Variants in ATL2 observed in about 807,000 individuals in gnomAD.
ATL2 encodes atlastin GTPase 2.
In ATL2, 31 loss-of-function variants were observed where a neutral mutation model predicts 73.9. The ratio of observed to expected loss-of-function variants is 0.42; its 90% confidence interval spans 0.32 to 0.57. ATL2 has a LOEUF of 0.57. Among genes scored for constraint, ATL2 ranks in the 20% least tolerant of loss-of-function variants. The probability of loss-of-function intolerance (pLI) is 0.14; values close to 1 mark genes in which losing one functional copy is unlikely to be tolerated. For missense variants in ATL2, 738 were observed against 702.6 expected (o/e 1.05, Z -0.57); for synonymous variants, 291 against 237.5 (o/e 1.23, Z -2.07).
chr2:38,297,506 G>A (rs1412703322), intron 12 of ATL2, among the ~76,000 whole-genome samples: 2 of 152,224 alleles, frequency 1.3e-5, no homozygotes, highest in Non-Finnish European at 2.9e-5. Context: ...GATACTTGCA[G>A]GCAAGAGTTC....
chr2:38,329,365 G>A lies in ATL2; in HGVS notation c.364-10346C>T, dbSNP rs1668848116. 2.9e-5 allele frequency among the ~76,000 whole-genome samples: 4 copies of A among 138,444 alleles called. No homozygotes were observed. In the Admixed American group the frequency reaches 3.0e-4, roughly 10 times the overall value. The allele number at this position is 138,444 out of a possible 152,430, so 90.8% of individuals were successfully genotyped here. On this transcript the variant is annotated intron_variant, in intron 2 of 12. Coordinates refer to ENST00000378954, the MANE Select transcript of ATL2 (RefSeq NM_001135673.4). ...ATCGCTGGAACTCAGGAGGCAGAGGGTGCAGTGGGCCAAGATCATGCCACT... is the reference window on the plus strand; with the variant it reads ...ATCGCTGGAACTCAGGAGGCAGAGGATGCAGTGGGCCAAGATCATGCCACT...
At position 38,295,386 on chromosome 2, in the gene ATL2, C is replaced by T. The variant is rs937015677; in HGVS notation, c.*608G>A. 3 of 152,172 alleles carry T rather than the reference C, an allele frequency of 2.0e-5. No homozygotes were observed. Among genetic ancestry groups the T allele is most frequent in the Admixed American group, 2.0e-4 (3 of 15,274 alleles). The allele number at this position is 152,172 out of a possible 1,614,324, so 9.4% of individuals were successfully genotyped here. ...AGTTCAGTTTCCCAGATATGCATCT[C>T]CTTTTAGGGCAAGTTTATAAATTTA... is the stretch of plus-strand genomic sequence containing the variant. On this transcript the variant is annotated 3_prime_UTR_variant, in exon 13 of 13. Transcript: ENST00000378954.
intron 1 of ATL2, among the ~76,000 whole-genome samples, chr2:38,351,066 A>G (rs1280609635): frequency 3.3e-5 from 5 of 152,378 alleles, no homozygotes; most frequent in South Asian, 2.1e-4. Flanking sequence ...AATGAAAAGT[A>G]TATTTTATTA....
chr2:38,301,638 A>G (rs1473078173), intron 9 of ATL2, among the ~76,000 whole-genome samples: 2 of 152,210 alleles, frequency 1.3e-5, no homozygotes, highest in African/African-American at 2.4e-5. Flanking sequence ...GCCACAGTGG[A>G]AAGAACTCAG....
intron 2 of ATL2, among the ~76,000 whole-genome samples, chr2:38,330,261 C>T (rs1275054664): frequency 7.8e-6 from 1 of 129,012 alleles, no homozygotes; most frequent in Non-Finnish European, 1.7e-5. Flanking sequence ...TAAAGAAAAA[C>T]TTCAATTAAA....
chr2:38,325,040 G>T (rs1668519808), intron 2 of ATL2, among the ~76,000 whole-genome samples: 1 of 152,182 alleles, frequency 6.6e-6, no homozygotes. Context: ...TAAATTTTAT[G>T]TTATGTATAT....
intron 1 of ATL2, among the ~76,000 whole-genome samples, chr2:38,356,593 T>C (rs1289255827): frequency 6.6e-6 from 1 of 152,210 alleles, no homozygotes; most frequent in African/African-American, 2.4e-5. Flanking sequence ...CACATAATCA[T>C]TTAATTTCAT....
chr2:38,376,077 C>A (rs1671942699), intron 1 of ATL2: 1 of 1,421,920 alleles, frequency 7.0e-7, no homozygotes, highest in East Asian at 2.5e-5. Flanking sequence ...GAGCTCGTAT[C>A]TGTATTTAAT....
chr2:38,338,357 T>C (rs1339851570), intron 2 of ATL2, among the ~76,000 whole-genome samples: 3 of 152,194 alleles, frequency 2.0e-5, no homozygotes, highest in East Asian at 3.9e-4. Context: ...GTTACTACGC[T>C]CAATACCTGG....
At chr2:38,326,190 A>T (rs80012357) in intron 2 of ATL2, among the ~76,000 whole-genome samples, 1,970 of 152,338 alleles carry the variant, frequency 0.013, 42 homozygotes, top group African/African-American at 0.045. Flanking sequence ...GATTACAAAT[A>T]AAAAAGCTGC....
intron 2 of ATL2, among the ~76,000 whole-genome samples, chr2:38,323,332 A>C (rs565215580): frequency 6.6e-6 from 1 of 150,490 alleles, no homozygotes; most frequent in East Asian, 1.9e-4. Context: ...GCAAAAGGCA[A>C]TCTGAAATCA....
intron 2 of ATL2, among the ~76,000 whole-genome samples, chr2:38,331,654 G>A (rs1669004506): frequency 6.7e-6 from 1 of 150,146 alleles, no homozygotes; most frequent in Non-Finnish European, 1.5e-5. Context: ...ACAGATCAAT[G>A]GAATAGAACT....
At chr2:38,359,242 G>C (rs1409039641) in intron 1 of ATL2, among the ~76,000 whole-genome samples, 2 of 152,110 alleles carry the variant, frequency 1.3e-5, no homozygotes, top group African/African-American at 4.8e-5. Context: ...GGCCGAGGTG[G>C]GTGGATCACC....
chr2:38,318,026 A>G (rs1668117488), intron 4 of ATL2, among the ~76,000 whole-genome samples: 1 of 152,208 alleles, frequency 6.6e-6, no homozygotes, highest in African/African-American at 2.4e-5. Flanking sequence ...ACAAGGTGGC[A>G]TATGCTGACA....
intron 1 of ATL2, among the ~76,000 whole-genome samples, chr2:38,356,538 C>T (rs1038708502): frequency 3.3e-5 from 5 of 152,102 alleles, no homozygotes; most frequent in African/African-American, 1.2e-4. Context: ...GTGTATTTTA[C>T]ACCTACAGCA....
At chr2:38,299,474 C>G in intron 10 of ATL2, 147 bp from the exon 11 acceptor site, 3 of 799,242 alleles carry the variant, frequency 3.8e-6, no homozygotes, top group Non-Finnish European at 5.3e-6. Context: ...TGCAAGGGAA[C>G]GTTGGTATAA....
chr2:38,377,669 C>G (rs567855072), upstream of ATL2, among the ~76,000 whole-genome samples: 3 of 152,300 alleles, frequency 2.0e-5, no homozygotes, highest in Admixed American at 6.5e-5. Context: ...CGCTTTACAT[C>G]TCTAATCGTT....
intron 10 of ATL2, among the ~76,000 whole-genome samples, chr2:38,299,759 T>C (rs1340561506): frequency 6.6e-6 from 1 of 152,140 alleles, no homozygotes; most frequent in African/African-American, 2.4e-5. Context: ...TAATCTACTA[T>C]AAAATGGAAA....
chr2:38,338,374 A>G (rs569216670), intron 2 of ATL2, among the ~76,000 whole-genome samples: 87 of 152,298 alleles, frequency 5.7e-4, no homozygotes, highest in African/African-American at 2.0e-3. Flanking sequence ...CTGGGTGACA[A>G]GATCAATTGT....
Sources: allele counts gnomAD v4.1 joint callset (sites outside exome capture counted in the v4.1 genomes callset), GRCh38; gene constraint gnomAD v4.1.1; transcripts MANE v1.5; gene names NCBI Gene and HGNC (gene_info 2026-07-23, HGNC 2026-07-21).